The following TRMT11 variants were observed in gnomAD, a reference collection of about 807,000 sequenced individuals.
TRMT11 encodes the protein tRNA (guanine(10)-N(2))-methyltransferase TRMT11.
TRMT11 carries 53 observed loss-of-function variants against 62.8 expected under a neutral mutation model. The observed-to-expected ratio is 0.84, with a 90% confidence interval of 0.68 to 1.06. TRMT11 has a LOEUF of 1.06. Among genes scored for constraint, TRMT11 ranks in the 50% least tolerant of loss-of-function variants. The pLI is 0.00. For missense variants in TRMT11, 556 were observed against 553.4 expected, an observed-to-expected ratio of 1.00 and a Z score of -0.05; for synonymous variants, 188 against 190.3, an observed-to-expected ratio of 0.99 and a Z score of 0.10.
chr6:126,008,507 G>A, intron 8 of TRMT11, 35 bp downstream of exon 8: 3 of 1,548,498 alleles, frequency 1.9e-6, no homozygotes, highest in Non-Finnish European at 2.7e-6. Context: ...TATAGTCATT[G>A]CTGTGGTGCC....
chr6:126,263,118 G>A, the TRMT11 span, among the ~76,000 whole-genome samples: 2 of 151,690 alleles, frequency 1.3e-5, no homozygotes, highest in African/African-American at 4.8e-5. Flanking sequence ...GTCTCTAGGG[G>A]GAGAAAAGAA....
At chr6:126,219,194 A>G in the TRMT11 span, among the ~76,000 whole-genome samples, 4 of 152,202 alleles carry the variant, frequency 2.6e-5, no homozygotes, top group East Asian at 1.9e-4. Context: ...TTTGGTTCCT[A>G]TGAAAGTGTT....
At chr6:126,203,503 T>G (rs1220412667), downstream of TRMT11, among the ~76,000 whole-genome samples, 2 of 152,126 alleles carry the variant, frequency 1.3e-5, no homozygotes. Flanking sequence ...TTGAGTGCAA[T>G]AAATTTGGGG....
intron 21 of TRMT11, among the ~76,000 whole-genome samples, chr6:126,141,433 T>C (rs1038156708): frequency 6.6e-6 from 1 of 152,166 alleles, no homozygotes. Context: ...CTTACTGTAA[T>C]TGTAGGAAAG....
chr6:126,116,288 T>C (rs1562326498), intron 21 of TRMT11, among the ~76,000 whole-genome samples: 2 of 151,904 alleles, frequency 1.3e-5, no homozygotes, highest in Non-Finnish European at 2.9e-5. Flanking sequence ...AATGAAGAGG[T>C]GGACAGACAT....
chr6:126,130,738 G>A (rs142873450), intron 21 of TRMT11, among the ~76,000 whole-genome samples: 67 of 152,168 alleles, frequency 4.4e-4, no homozygotes, highest in African/African-American at 1.5e-3. Context: ...AAACCACACA[G>A]CAGTCAACTC....
At chr6:126,251,895 A>G in the TRMT11 span, among the ~76,000 whole-genome samples, 1 of 152,226 alleles carries the variant, frequency 6.6e-6, no homozygotes, top group East Asian at 1.9e-4. Context: ...CCCAGCTTCC[A>G]GCAAACATAA....
At chr6:126,157,242 C>T (rs1778132441) in intron 21 of TRMT11, among the ~76,000 whole-genome samples, 1 of 152,202 alleles carries the variant, frequency 6.6e-6, no homozygotes, top group African/African-American at 2.4e-5. Flanking sequence ...AATGGCTTTT[C>T]ATTTCAGTTC....
intron 17 of TRMT11, among the ~76,000 whole-genome samples, chr6:126,055,112 A>G (rs1411681865): frequency 6.6e-6 from 1 of 152,152 alleles, no homozygotes; most frequent in Non-Finnish European, 1.5e-5. Flanking sequence ...CTACAGGCAC[A>G]TGGCACTTCA....
chr6:126,099,850 G>T (rs572850676), intron 17 of TRMT11, among the ~76,000 whole-genome samples: 7 of 152,342 alleles, frequency 4.6e-5, no homozygotes, highest in African/African-American at 1.7e-4. Flanking sequence ...CTCCTGAGTT[G>T]ATTTTTGAAA....
At chr6:126,025,987 G>T (rs9401858) in intron 12 of TRMT11, among the ~76,000 whole-genome samples, 60,751 of 152,030 alleles carry the variant, frequency 0.4, 14,875 homozygotes, top group East Asian at 0.92. Context: ...ATAGTTTTCA[G>T]ACTTGCTTAT....
rs566145120 is a variant in TRMT11, at chr6:126,121,025, C to T, written c.*1823+5170C>T. Among the ~76,000 whole-genome samples the T allele has an allele frequency of 1.8e-4, 28 of 152,176 alleles. No individual in the cohort carries two copies. In the South Asian group the frequency reaches 5.4e-3, roughly 29 times the overall value. On this transcript the variant is annotated intron_variant and NMD_transcript_variant, in intron 21 of 22. Transcript: ENST00000648977. Reference sequence around the variant, plus strand: ...TCCTATCTCAGGTTTCTTAGGCCCACGTTAGGTAATAGCTCTTTGAAACTT... The same window carrying T: ...TCCTATCTCAGGTTTCTTAGGCCCATGTTAGGTAATAGCTCTTTGAAACTT...
intron 1 of TRMT11, among the ~76,000 whole-genome samples, chr6:126,187,070 T>C (rs1360922103): frequency 6.6e-6 from 1 of 152,066 alleles, no homozygotes; most frequent in African/African-American, 2.4e-5. Flanking sequence ...TAGGGAAGGA[T>C]GCCCATTGTC....
At chr6:126,015,235 C>CTT (rs145367544) in intron 11 of TRMT11, among the ~76,000 whole-genome samples, 3 of 151,686 alleles carry the variant, frequency 2.0e-5, no homozygotes, top group African/African-American at 7.3e-5. Flanking sequence ...TATCACTAAT[C>CTT]TTTTTTTTGA....
At chr6:126,057,565 T>C (rs559229986) in intron 17 of TRMT11, among the ~76,000 whole-genome samples, 48 of 152,296 alleles carry the variant, frequency 3.2e-4, no homozygotes, top group African/African-American at 1.1e-3. Context: ...GGAGAAATCA[T>C]TCTGTCCAAT....
chr6:126,076,569 A>G (rs746308601), intron 17 of TRMT11, among the ~76,000 whole-genome samples: 1 of 152,196 alleles, frequency 6.6e-6, no homozygotes, highest in Non-Finnish European at 1.5e-5. Context: ...AATAAAAAAG[A>G]TGAGCTAGTG....
chr6:126,233,241 A>T, the TRMT11 span, among the ~76,000 whole-genome samples: 1 of 152,176 alleles, frequency 6.6e-6, no homozygotes, highest in Admixed American at 6.6e-5. Flanking sequence ...AATGTGGCCT[A>T]TACCCCAAAT....
intron 1 of TRMT11, among the ~76,000 whole-genome samples, chr6:125,991,284 C>G (rs1007685352): frequency 1.3e-4 from 20 of 151,796 alleles, no homozygotes; most frequent in African/African-American, 4.8e-4. Flanking sequence ...ACTGTTCTCT[C>G]TCTGTTTTCC....
At chr6:126,029,626 T>C (rs1266818949) in intron 12 of TRMT11, among the ~76,000 whole-genome samples, 1 of 152,162 alleles carries the variant, frequency 6.6e-6, no homozygotes, top group Non-Finnish European at 1.5e-5. Flanking sequence ...AGTGAGAGCA[T>C]ATATATGTGC....
Sources: gnomAD v4.1 joint callset for allele counts (sites outside exome capture counted in the v4.1 genomes callset) on GRCh38, gnomAD v4.1.1 for gene constraint, MANE v1.5 for transcripts, NCBI Gene and HGNC (gene_info 2026-07-23, HGNC 2026-07-21) for gene names.